The following PLXNA4 variants were observed in gnomAD, a reference collection of about 807,000 sequenced individuals.
The protein encoded by PLXNA4 is plexin A4, also known as plexin-A4.
In PLXNA4, 44 loss-of-function variants were observed where a neutral mutation model predicts 191.8. That is an observed-to-expected ratio of 0.23 (90% CI 0.18 to 0.29). PLXNA4 has a LOEUF of 0.29. PLXNA4 is among the 10% of genes least tolerant of loss of function. The pLI is 1.00. For synonymous variants in PLXNA4, 1,082 were observed against 1,009.5 expected (o/e 1.07, Z -1.36); for missense variants, 1,800 against 2,488.8 (o/e 0.72, Z 5.89).
chr7:132,138,879 A>G (rs1475485401), intron 30 of PLXNA4, among the ~76,000 whole-genome samples: 1 of 152,162 alleles, frequency 6.6e-6, no homozygotes, highest in Non-Finnish European at 1.5e-5. Context: ...CACTTTATAA[A>G]TGTTCCCAGC....
chr7:132,350,813 T>C (rs555442505), intron 3 of PLXNA4, among the ~76,000 whole-genome samples: 5 of 152,250 alleles, frequency 3.3e-5, no homozygotes, highest in African/African-American at 1.2e-4. Flanking sequence ...TGAAAACATA[T>C]ATCCAGACAA....
intron 3 of PLXNA4, among the ~76,000 whole-genome samples, chr7:132,434,044 TG>T (rs560414178): frequency 1.4e-4 from 21 of 152,242 alleles, no homozygotes; most frequent in Non-Finnish European, 2.8e-4. Flanking sequence ...TATTCCAAGC[TG>T]GGTCTTGAAA....
chr7:132,311,961 C>T (rs900968756), intron 3 of PLXNA4, among the ~76,000 whole-genome samples: 1 of 151,980 alleles, frequency 6.6e-6, no homozygotes, highest in Non-Finnish European at 1.5e-5. Context: ...GCCCTGGGGC[C>T]AGGAGAGAGC....
At chr7:132,565,205 C>G (rs143957569) in intron 1 of PLXNA4, among the ~76,000 whole-genome samples, 6 of 152,134 alleles carry the variant, frequency 3.9e-5, no homozygotes, top group African/African-American at 7.2e-5. Flanking sequence ...GGGCTGCAGA[C>G]GCGAAACAGC....
chr7:132,292,080 C>T (rs1273542997), intron 4 of PLXNA4, among the ~76,000 whole-genome samples: 4 of 152,176 alleles, frequency 2.6e-5, no homozygotes, highest in Admixed American at 1.3e-4. Context: ...CAGGCGTGAG[C>T]CCCCACACTC....
chr7:132,365,358 T>TGTGTGTGTGCGCGCGC (rs377067193), intron 3 of PLXNA4, among the ~76,000 whole-genome samples: 4 of 133,590 alleles, frequency 3.0e-5, no homozygotes, highest in East Asian at 2.1e-4. Context: ...TGTGTGTGTG[T>TGTGTGTGTGCGCGCGC]GTGCGTGCGC....
At position 132,179,834 on chromosome 7, in the gene PLXNA4, C is replaced by T. The variant is rs761223020; in HGVS notation, c.3727G>A (p.Ala1243Thr). The T allele has an allele frequency of 1.6e-5, 26 of 1,613,274 alleles. No individual in the cohort carries two copies. The African/African-American group carries it at 1.9e-4, about 12-fold the overall frequency. Residue 1243 changes from alanine to threonine, a missense_variant, in exon 20 of 32, where the codon GCA becomes ACA. By Grantham distance (58) the Ala-to-Thr change is moderately conservative. Around this residue, in one of 6 missense-constraint regions of PLXNA4, gnomAD observed 1,397 missense variants for 1,880.4 expected, o/e 0.74. Coordinates refer to ENST00000321063, the MANE Select transcript of PLXNA4 (RefSeq NM_020911.2). ...PLSLPAIVSI[A>T]VAGGLLIIFI... ...ATGATGAGGAGGCCGCCAGCCACTG[C>T]GATGCTGACGATGGCGGGCAGGCTG...
chr7:132,622,540 C>G (rs1364623333), intron 2 of PLXNA4, among the ~76,000 whole-genome samples: 3 of 150,168 alleles, frequency 2.0e-5, no homozygotes, highest in Non-Finnish European at 4.4e-5. Context: ...TAGGAGCTAT[C>G]TGAAGGAAAA....
At chr7:132,192,887 G>C (rs78490272) in intron 14 of PLXNA4, among the ~76,000 whole-genome samples, 3,283 of 152,214 alleles carry the variant, frequency 0.022, 259 homozygotes, top group Admixed American at 0.14. Flanking sequence ...AGGCAGGAAG[G>C]AATTTAAGGA....
intron 3 of PLXNA4, among the ~76,000 whole-genome samples, chr7:132,422,079 T>C (rs904451119): frequency 2.0e-5 from 3 of 152,210 alleles, no homozygotes; most frequent in African/African-American, 7.2e-5. Context: ...AAAACGGTTA[T>C]ACTCTGGGAA....
chr7:132,596,542 G>A (rs907725208), intron 2 of PLXNA4, among the ~76,000 whole-genome samples: 5 of 152,164 alleles, frequency 3.3e-5, no homozygotes, highest in Admixed American at 6.5e-5. Context: ...AGATTTAAAG[G>A]TTTCTCAGTG....
At position 132,128,076 on chromosome 7, in the gene PLXNA4, A is replaced by ACGTT. The variant is rs1371145728; in HGVS notation, c.*2399_*2402dup. 6.6e-6 allele frequency: 1 copy of ACGTT among 151,532 alleles called. No homozygotes were observed. Among genetic ancestry groups the ACGTT allele is most frequent in the Non-Finnish European group, 1.5e-5 (1 of 67,986 alleles). The allele number at this position is 151,532 out of a possible 1,614,324, so 9.4% of individuals were successfully genotyped here. ...TCCATCCAGCAAATCTGTGTTAAAT[A>ACGTT]CGTTTGTGTCTCTTTCCTCCCCAAC... On this transcript the variant is annotated 3_prime_UTR_variant, in exon 32 of 32. Coordinates refer to ENST00000321063, the MANE Select transcript of PLXNA4 (RefSeq NM_020911.2).
At chr7:132,450,244 T>C (rs1301623670) in intron 3 of PLXNA4, among the ~76,000 whole-genome samples, 1 of 152,160 alleles carries the variant, frequency 6.6e-6, no homozygotes, top group East Asian at 1.9e-4. Flanking sequence ...CACAGTGCTG[T>C]GTTTGTGGAT....
chr7:132,363,985 G>C (rs1804053632), intron 3 of PLXNA4, among the ~76,000 whole-genome samples: 1 of 152,240 alleles, frequency 6.6e-6, no homozygotes, highest in Non-Finnish European at 1.5e-5. Flanking sequence ...CACCAGGGTG[G>C]AGGAGCAATA....
intron 4 of PLXNA4, among the ~76,000 whole-genome samples, chr7:132,295,227 G>T (rs1801033362): frequency 6.6e-6 from 1 of 152,170 alleles, no homozygotes; most frequent in Non-Finnish European, 1.5e-5. Flanking sequence ...GTTTAGGCTG[G>T]CAAGGCATCG....
intron 3 of PLXNA4, among the ~76,000 whole-genome samples, chr7:132,410,323 A>C (rs1297679036): frequency 6.6e-6 from 1 of 152,192 alleles, no homozygotes; most frequent in Non-Finnish European, 1.5e-5. Flanking sequence ...GAGCTTCTGA[A>C]GTACATTTCA....
chr7:132,322,754 T>C (rs1317794923), intron 3 of PLXNA4, among the ~76,000 whole-genome samples: 3 of 152,244 alleles, frequency 2.0e-5, no homozygotes, highest in Non-Finnish European at 4.4e-5. Flanking sequence ...CTATTGTGAC[T>C]TATTTTGCTT....
intron 2 of PLXNA4, among the ~76,000 whole-genome samples, chr7:132,616,254 G>A (rs1803155846): frequency 6.6e-6 from 1 of 152,164 alleles, no homozygotes; most frequent in African/African-American, 2.4e-5. Flanking sequence ...CTGGCTGCAG[G>A]CAAGAGAGGA....
At chr7:132,355,690 C>T (rs951247387) in intron 3 of PLXNA4, among the ~76,000 whole-genome samples, 29 of 151,614 alleles carry the variant, frequency 1.9e-4, no homozygotes, top group Non-Finnish European at 2.9e-4. Context: ...TACAAATAGG[C>T]ATATAAATCC....
Sources: gnomAD v4.1 joint callset for allele counts (sites outside exome capture counted in the v4.1 genomes callset) on GRCh38, gnomAD v4.1.1 for gene constraint, gnomAD v4.1.1 regional missense constraint, MANE v1.5 for transcripts, NCBI Gene and HGNC (gene_info 2026-07-23, HGNC 2026-07-21) for gene names.